The following ANO4 variants were observed in gnomAD, a reference collection of about 807,000 sequenced individuals.
The protein encoded by ANO4 is anoctamin-4.
A neutral mutation model predicts 141.9 loss-of-function variants in ANO4; 69 were observed. The ratio of observed to expected loss-of-function variants is 0.49; its 90% confidence interval spans 0.40 to 0.59. The LOEUF (loss-of-function observed/expected upper bound fraction) is 0.59. Among genes scored for constraint, ANO4 ranks in the 20% least tolerant of loss-of-function variants. The probability of loss-of-function intolerance (pLI) is 0.00; values close to 1 mark genes in which losing one functional copy is unlikely to be tolerated. For missense variants in ANO4, 894 were observed against 1,162.2 expected (o/e 0.77, Z 3.36); for synonymous variants, 350 against 394.3 (o/e 0.89, Z 1.33).
intron 1 of ANO4, among the ~76,000 whole-genome samples, chr12:100,873,782 A>G (rs934600220): frequency 2.1e-4 from 32 of 152,374 alleles, no homozygotes; most frequent in African/African-American, 6.0e-4. Context: ...AGAAATTTGC[A>G]TAAGTGAAAA....
chr12:101,030,049 C>T (rs771091622), intron 9 of ANO4, among the ~76,000 whole-genome samples: 2 of 152,080 alleles, frequency 1.3e-5, no homozygotes, highest in African/African-American at 2.4e-5. Context: ...TAACACTCCA[C>T]CATCAATATT....
intron 5 of ANO4, among the ~76,000 whole-genome samples, chr12:100,954,218 A>C (rs6538974): frequency 0.11 from 16,740 of 152,132 alleles, 1,453 homozygotes; most frequent in African/African-American, 0.23. Context: ...GTGTTCAATA[A>C]ATAATTTTAC....
At chr12:100,749,250 T>G (rs2135492475) in intron 3 of ANO4, among the ~76,000 whole-genome samples, 1 of 152,352 alleles carries the variant, frequency 6.6e-6, no homozygotes, top group Admixed American at 6.5e-5. Context: ...GCTGTTACTC[T>G]GGTCTTCCAT....
At chr12:100,858,846 T>A (rs1311213974) in intron 1 of ANO4, among the ~76,000 whole-genome samples, 1 of 152,144 alleles carries the variant, frequency 6.6e-6, no homozygotes, top group Admixed American at 6.6e-5. Flanking sequence ...ATTTTCTAAT[T>A]ACTCCCAACA....
intron 25 of ANO4, among the ~76,000 whole-genome samples, chr12:101,118,254 A>C (rs1461676374): frequency 1.3e-5 from 2 of 152,180 alleles, no homozygotes; most frequent in Non-Finnish European, 2.9e-5. Context: ...AATCATTTGA[A>C]AATAAGATAA....
At chr12:101,040,834 A>G (rs1394478556) in intron 11 of ANO4, among the ~76,000 whole-genome samples, 2 of 144,452 alleles carry the variant, frequency 1.4e-5, no homozygotes, top group African/African-American at 2.6e-5. Flanking sequence ...ACTCCCACTT[A>G]TGAGTGAGAA....
At chr12:100,744,118 A>C (rs10507117) in intron 3 of ANO4, among the ~76,000 whole-genome samples, 3 of 152,220 alleles carry the variant, frequency 2.0e-5, no homozygotes, top group South Asian at 4.1e-4. Flanking sequence ...CAAGTTTTAC[A>C]TGTGTATTTA....
intron 11 of ANO4, 68 bp downstream of exon 11, chr12:101,040,144 C>T: frequency 6.7e-7 from 1 of 1,502,382 alleles, no homozygotes; most frequent in Non-Finnish European, 8.9e-7. Context: ...TCAGCTGGGA[C>T]AAGCTCCCAA....
At chr12:100,888,905 G>A (rs1348249268) in intron 1 of ANO4, among the ~76,000 whole-genome samples, 2 of 151,534 alleles carry the variant, frequency 1.3e-5, no homozygotes, top group Non-Finnish European at 2.9e-5. Context: ...TATACTTCAA[G>A]TTTTAGGGTA....
intron 1 of ANO4, among the ~76,000 whole-genome samples, chr12:100,842,414 T>C (rs1209271961): frequency 6.6e-6 from 1 of 150,666 alleles, no homozygotes; most frequent in Admixed American, 6.6e-5. Context: ...TATGTGTATG[T>C]GTGTGTGTGT....
intron 8 of ANO4, among the ~76,000 whole-genome samples, chr12:100,992,064 T>C (rs868591635): frequency 6.6e-6 from 1 of 152,194 alleles, no homozygotes; most frequent in Non-Finnish European, 1.5e-5. Context: ...TGATTTTACA[T>C]CCTAAATATC....
chr12:101,000,794 G>A (rs2045602934), intron 8 of ANO4, among the ~76,000 whole-genome samples: 1 of 152,214 alleles, frequency 6.6e-6, no homozygotes, highest in Non-Finnish European at 1.5e-5. Context: ...CTAATCAGGT[G>A]GGAAAAGCAT....
intron 1 of ANO4, among the ~76,000 whole-genome samples, chr12:100,846,945 A>AC (rs11363490): frequency 1.3e-3 from 196 of 151,248 alleles, no homozygotes; most frequent in East Asian, 2.0e-3. Flanking sequence ...TTCCTTCCAC[A>AC]CCCCCCCCCA....
intron 12 of ANO4, 111 bp downstream of exon 12, chr12:101,042,579 C>T: frequency 2.8e-6 from 4 of 1,414,948 alleles, no homozygotes; most frequent in Non-Finnish European, 3.9e-6. Flanking sequence ...ACTCAAACTT[C>T]CTACCCTCTC....
chr12:101,039,362 G>C (rs554263301), intron 10 of ANO4, among the ~76,000 whole-genome samples: 1 of 152,110 alleles, frequency 6.6e-6, no homozygotes, highest in East Asian at 1.9e-4. Context: ...AAAGTTAGCC[G>C]TGCATGGTGG....
At chr12:101,091,584 A>G (rs375881759) in intron 17 of ANO4, among the ~76,000 whole-genome samples, 33 of 152,202 alleles carry the variant, frequency 2.2e-4, no homozygotes, top group African/African-American at 7.7e-4. Flanking sequence ...AAATTACTCA[A>G]TGTGAGATAT....
At chr12:101,064,489 G>A (rs1029158288) in intron 14 of ANO4, among the ~76,000 whole-genome samples, 1 of 152,004 alleles carries the variant, frequency 6.6e-6, no homozygotes, top group African/African-American at 2.4e-5. Flanking sequence ...ACACGCGGAG[G>A]GGAACATCAC....
chr12:100,918,480 T>C (rs1184857486), intron 2 of ANO4, among the ~76,000 whole-genome samples: 1 of 152,238 alleles, frequency 6.6e-6, no homozygotes, highest in Non-Finnish European at 1.5e-5. Flanking sequence ...ATGGGTATGT[T>C]TTTTAATATG....
intron 14 of ANO4, among the ~76,000 whole-genome samples, chr12:101,074,869 A>T (rs1209435615): frequency 6.6e-6 from 1 of 152,192 alleles, no homozygotes; most frequent in Non-Finnish European, 1.5e-5. Flanking sequence ...TCAGGACAGC[A>T]TTTCATTTAT....
Sources: allele counts gnomAD v4.1 joint callset (sites outside exome capture counted in the v4.1 genomes callset), GRCh38; gene constraint gnomAD v4.1.1; transcripts MANE v1.5; gene names NCBI Gene and HGNC (gene_info 2026-07-23, HGNC 2026-07-21).